TSPAN1: variants seen among roughly 807,000 people sequenced by gnomAD.
TSPAN1 encodes tetraspanin 1.
In TSPAN1, 23 loss-of-function variants were observed where a neutral mutation model predicts 26.9. That is an observed-to-expected ratio of 0.85 (90% CI 0.62 to 1.21). TSPAN1 has a LOEUF of 1.21. TSPAN1 is among the 50% of genes most tolerant of loss of function. The pLI is 0.00. For synonymous variants in TSPAN1, 115 were observed against 114.8 expected (o/e 1.00, Z -0.01); for missense variants, 283 against 298.4 (o/e 0.95, Z 0.38).
the TSPAN1 span, chr1:46,195,932 G>A: frequency 1.3e-5 from 21 of 1,613,970 alleles, no homozygotes; most frequent in Middle Eastern, 1.6e-4. Flanking sequence ...GCCCTGGCAG[G>A]GGATATACTT....
At chr1:46,196,196 A>C in the TSPAN1 span, 1 of 1,561,292 alleles carries the variant, frequency 6.4e-7, no homozygotes, top group Non-Finnish European at 8.6e-7. This position sits in a 1 kb window ranked among gnomAD's most constrained non-coding sequence, Gnocchi z 4.4. Context: ...GTTTCTGTTC[A>C]CACAGTTCTT....
intron 1 of TSPAN1, among the ~76,000 whole-genome samples, chr1:46,176,019 T>C (rs974355251): frequency 3.9e-5 from 6 of 152,088 alleles, no homozygotes; most frequent in Non-Finnish European, 8.8e-5. Context: ...ACTAAAGGCG[T>C]GTGCCACCAC....
rs781043545 is a variant in TSPAN1, at chr1:46,185,075, A to C, written c.554A>C (p.Glu185Ala). Residue 185 changes from glutamate (E) to alanine (A), a missense_variant, in exon 7 of 9, where the codon GAA (glutamate) becomes GCA (alanine). By Grantham distance (107) the Glu-to-Ala change is moderately radical. Coordinates refer to ENST00000372003, the MANE Select transcript of TSPAN1 (RefSeq NM_005727.4). ...CNDNVTNTAN[E>A]TCTKQKAHDQ... ...GACAACGTCACCAACACAGCCAATG[A>C]AACCTGCACCAAGCAAAAGGCTCAC... 6 of 1,614,228 alleles carry C rather than the reference A, an allele frequency of 3.7e-6. No homozygotes were observed. The South Asian group carries it at 6.6e-5, about 18-fold the overall frequency.
At position 46,185,860 on chromosome 1, in the gene TSPAN1, G is replaced by C; in HGVS notation, c.*327G>C. On this transcript the variant is annotated 3_prime_UTR_variant, in exon 9 of 9. Coordinates refer to ENST00000372003, the MANE Select transcript of TSPAN1 (RefSeq NM_005727.4). Reference sequence around the variant, plus strand: ...ATCCCAGTGCTCTACTGGGGGATGAGAGAAAGGCATTTTATAGCCTGGGCA... The same window carrying C: ...ATCCCAGTGCTCTACTGGGGGATGACAGAAAGGCATTTTATAGCCTGGGCA... 2.5e-6 allele frequency: 1 copy of C among 394,014 alleles called. No homozygotes were observed. The highest frequency in any genetic ancestry group is 3.7e-5 in the South Asian group (1 of 27,344). 24.4% of individuals were successfully genotyped at this position (394,014 alleles called of 1,614,324 possible). A position where few individuals can be genotyped will look rare whatever the true frequency, so the allele number is the denominator to read the frequency against.
intron 3 of TSPAN1, among the ~76,000 whole-genome samples, chr1:46,182,812 GTTGT>G (rs927306310): frequency 1.3e-5 from 2 of 150,774 alleles, no homozygotes; most frequent in African/African-American, 2.5e-5. Flanking sequence ...TGTTGTTGTT[GTTGT>G]TTGTTTCTTT....
At chr1:46,192,831 T>C in the TSPAN1 span, 9 of 1,604,770 alleles carry the variant, frequency 5.6e-6, no homozygotes, top group Middle Eastern at 6.6e-4. Flanking sequence ...GAAAGCTCTC[T>C]AGGACACCTC....
At chr1:46,192,527 C>T in the TSPAN1 span, 1 of 1,614,174 alleles carries the variant, frequency 6.2e-7, no homozygotes, top group East Asian at 2.2e-5. Context: ...CCTGGTCATT[C>T]CAGGCAGAGA....
chr1:46,192,977 A>C, the TSPAN1 span: 1 of 1,613,698 alleles, frequency 6.2e-7, no homozygotes, highest in South Asian at 1.1e-5. Context: ...GGAATGGGAC[A>C]TCATGGTCCC....
At chr1:46,176,326 C>G (rs769931468) in intron 1 of TSPAN1, 1 of 1,535,758 alleles carries the variant, frequency 6.5e-7, no homozygotes, top group South Asian at 1.2e-5. Flanking sequence ...GCTGGCAGTT[C>G]GACCTCGGAG....
the TSPAN1 span, chr1:46,193,607 A>AC: frequency 6.2e-7 from 1 of 1,614,080 alleles, no homozygotes; most frequent in Admixed American, 1.7e-5. Flanking sequence ...CTGAGGAGAC[A>AC]CCCCCTGGGC....
chr1:46,190,758 G>T, downstream of TSPAN1: 1 of 1,613,928 alleles, frequency 6.2e-7, no homozygotes, highest in South Asian at 1.1e-5. Flanking sequence ...GAACCGTGTT[G>T]AACTTGTGCT....
the TSPAN1 span, chr1:46,194,705 T>G: frequency 6.2e-7 from 1 of 1,613,930 alleles, no homozygotes; most frequent in African/African-American, 1.3e-5. Context: ...GTTTGGGGGC[T>G]TTTTCCCATC....
At chr1:46,193,671 T>C in the TSPAN1 span, 1 of 1,613,710 alleles carries the variant, frequency 6.2e-7, no homozygotes, top group Non-Finnish European at 8.5e-7. Flanking sequence ...TAGGGTCACT[T>C]CATCACCCCT....
At chr1:46,189,642 C>G, downstream of TSPAN1, 1 of 1,561,072 alleles carries the variant, frequency 6.4e-7, no homozygotes, top group South Asian at 1.2e-5. Flanking sequence ...CCCTTTGGCC[C>G]AGCCCCCACC....
intron 1 of TSPAN1, chr1:46,176,117 T>C (rs1432663928): frequency 3.8e-5 from 46 of 1,195,252 alleles, no homozygotes; most frequent in East Asian, 2.3e-4. Flanking sequence ...CCTTGTGATC[T>C]GCCCGCCTTG....
chr1:46,188,917 C>G (rs745346713), downstream of TSPAN1: 1 of 1,612,808 alleles, frequency 6.2e-7, no homozygotes, highest in Non-Finnish European at 8.5e-7. Flanking sequence ...CCAGGCCCTC[C>G]AGGTTCGGCC....
intron 1 of TSPAN1, 184 bp downstream of exon 1, chr1:46,175,593 A>T: frequency 5.0e-6 from 2 of 399,246 alleles, no homozygotes; most frequent in Non-Finnish European, 4.4e-6. Context: ...CTTCTAGAGG[A>T]TCAGAAAAAT....
chr1:46,185,812 T>C lies in TSPAN1; in HGVS notation c.*279T>C, dbSNP rs1321415258. On this transcript the variant is annotated 3_prime_UTR_variant, in exon 9 of 9. Transcript: ENST00000372003. ...TTCCCCCAGTCTATTAAACCCTTGATATGCCCCCTAGGCCTAGTGGTGATC... is the reference window on the plus strand; with the variant it reads ...TTCCCCCAGTCTATTAAACCCTTGACATGCCCCCTAGGCCTAGTGGTGATC... 2 of 541,774 alleles carry C rather than the reference T, an allele frequency of 3.7e-6. No individual in the cohort carries two copies. The highest frequency in any genetic ancestry group is 6.6e-6 in the Non-Finnish European group (2 of 301,010). The allele number at this position is 541,774 out of a possible 1,614,324, so 33.6% of individuals were successfully genotyped here. A position where few individuals can be genotyped will look rare whatever the true frequency, so the allele number is the denominator to read the frequency against.
chr1:46,189,368 A>T (rs1331734071), downstream of TSPAN1: 3 of 1,614,102 alleles, frequency 1.9e-6, no homozygotes, highest in Admixed American at 5.0e-5. Context: ...CTGGGAAAAT[A>T]ATACAAGAAT....
Sources: allele counts gnomAD v4.1 joint callset (sites outside exome capture counted in the v4.1 genomes callset), GRCh38; gene constraint gnomAD v4.1.1; non-coding constraint Gnocchi (gnomAD v3.1); transcripts MANE v1.5; gene names NCBI Gene and HGNC (gene_info 2026-07-23, HGNC 2026-07-21).